The following WDR44 variants were observed in gnomAD, a reference collection of about 807,000 sequenced individuals.
WDR44 encodes WD repeat-containing protein 44.
A neutral mutation model predicts 65.7 loss-of-function variants in WDR44; 9 were observed. The observed-to-expected ratio is 0.14, with a 90% CI of 0.08 to 0.24. The LOEUF (loss-of-function observed/expected upper bound fraction) is 0.24, where lower values mean the gene tolerates loss of function less well. Ranked by LOEUF, WDR44 falls within the 10% of genes least tolerant of loss-of-function variation. The pLI is 1.00. For missense variants in WDR44, 425 were observed against 670.9 expected, an observed-to-expected ratio of 0.63 and a Z score of 4.05; for synonymous variants, 220 against 235.2, an observed-to-expected ratio of 0.94 and a Z score of 0.59.
chrX:118,427,068 C>G (rs1008083173), intron 12 of WDR44, among the ~76,000 whole-genome samples: 3 of 111,296 alleles, frequency 2.7e-5, no homozygotes, highest in African/African-American at 9.8e-5. Context: ...AAATTGGATA[C>G]AATATTACCA....
chrX:118,406,115 G>A (rs1194764838), intron 9 of WDR44, among the ~76,000 whole-genome samples: 2 of 112,108 alleles, frequency 1.8e-5, no homozygotes, highest in African/African-American at 6.5e-5. Flanking sequence ...ACTCCAACCT[G>A]AGACCCTGTC....
chrX:118,366,496 C>A (rs1200237600), intron 1 of WDR44, among the ~76,000 whole-genome samples: 1 of 111,368 alleles, frequency 9.0e-6, no homozygotes, highest in African/African-American at 3.3e-5. Context: ...GATGAGCAAC[C>A]TACTTTCTTC....
intron 10 of WDR44, among the ~76,000 whole-genome samples, chrX:118,408,689 AC>A (rs66498028): frequency 0.16 from 17,615 of 111,700 alleles, 2,480 homozygotes; most frequent in African/African-American, 0.44. Context: ...GCGTGCCACC[AC>A]GCCCGGCCCA....
intron 13 of WDR44, among the ~76,000 whole-genome samples, chrX:118,435,400 C>T (rs1297305716): frequency 1.8e-5 from 2 of 112,575 alleles, no homozygotes; most frequent in South Asian, 3.7e-4. Context: ...GCCTCAGCCT[C>T]CCCGAGTAGC....
chrX:118,436,397 TAAC>T (rs2057255075), intron 13 of WDR44: 1 of 287,296 alleles, frequency 3.5e-6, no homozygotes, highest in South Asian at 3.9e-5. Context: ...GTGCAGGTGA[TAAC>T]AACTAAGGCA....
In WDR44 at chrX:118,447,875, AATATATATAT is replaced by A. The variant is rs10570740; in HGVS notation, c.2648-988_2648-979del. ...TGCAACAGAGTGAGACTCTATCTAA[AATATATATAT>A]ATATATATATATATATATATATATA... On this transcript the variant is annotated intron_variant, in intron 19 of 19. Coordinates refer to ENST00000254029, the MANE Select transcript of WDR44 (RefSeq NM_019045.5). 5.5e-3 allele frequency among the ~76,000 whole-genome samples: 301 copies of A among 54,779 alleles called. 3 individuals carry two copies. The highest frequency in any genetic ancestry group is 0.016 in the African/African-American group (246 of 15,280). 47.6% of individuals were successfully genotyped at this position (54,779 alleles called of 115,157 possible).
In WDR44 at chrX:118,416,717, A is replaced by T. The variant is rs369300717; in HGVS notation, c.1737+5758A>T. ...CTGTTAAGTCCATTTGTTCCAAGGTATAGTTTAAATTCGTTGTTTCTTTGT... is the reference window on the plus strand; with the variant it reads ...CTGTTAAGTCCATTTGTTCCAAGGTTTAGTTTAAATTCGTTGTTTCTTTGT... On this transcript the variant is annotated intron_variant, in intron 12 of 19. Transcript: ENST00000254029. Among the ~76,000 whole-genome samples the T allele has an allele frequency of 1.4e-4, 16 of 111,847 alleles. No homozygotes were observed. The East Asian group carries it at 3.1e-3, about 22-fold the overall frequency.
At chrX:118,349,536 T>C (rs2056383895) in intron 1 of WDR44, among the ~76,000 whole-genome samples, 1 of 107,144 alleles carries the variant, frequency 9.3e-6, no homozygotes. Flanking sequence ...CTCATTTTTA[T>C]CTTCATTTTT....
At chrX:118,347,141 ACTCT>A (rs2056358923) in intron 1 of WDR44, among the ~76,000 whole-genome samples, 2 of 111,610 alleles carry the variant, frequency 1.8e-5, no homozygotes, top group Admixed American at 1.9e-4. Context: ...TAGCGAATGT[ACTCT>A]AGATCAACAG....
At chrX:118,379,043 CAAA>C (rs111960903) in intron 2 of WDR44, among the ~76,000 whole-genome samples, 2 of 97,958 alleles carry the variant, frequency 2.0e-5, no homozygotes, top group African/African-American at 7.5e-5. Context: ...GACTCCACCT[CAAA>C]AAAAAAAGCA....
chrX:118,384,399 G>A (rs1438430230), intron 2 of WDR44, among the ~76,000 whole-genome samples: 1 of 111,744 alleles, frequency 8.9e-6, no homozygotes, highest in Non-Finnish European at 1.9e-5. Flanking sequence ...AGGAAAATAG[G>A]ATAATGTTTT....
chrX:118,398,546 A>G, intron 8 of WDR44, 76 bp downstream of exon 8: 2 of 861,896 alleles, frequency 2.3e-6, no homozygotes, highest in Non-Finnish European at 1.7e-6. Context: ...TACTATTTTA[A>G]ATCATGCTCC....
chrX:118,346,207 G>A lies in WDR44; in HGVS notation c.-297G>A. 1.3e-5 allele frequency: 4 copies of A among 310,170 alleles called. No homozygotes were observed. The highest frequency in any genetic ancestry group is 2.2e-5 in the Non-Finnish European group (4 of 177,837). The allele number at this position is 310,170 out of a possible 1,213,427, so 25.6% of individuals were successfully genotyped here. A position where few individuals can be genotyped will look rare whatever the true frequency, so the allele number is the denominator to read the frequency against. On this transcript the variant is annotated 5_prime_UTR_variant, in exon 1 of 20. Coordinates refer to ENST00000254029, the MANE Select transcript of WDR44 (RefSeq NM_019045.5). ...CGCGCCCTTCTTCCCTTACTGCGAG[G>A]AGCCACCGCCTCTTTCGCGCTCCTT...
intron 1 of WDR44, among the ~76,000 whole-genome samples, chrX:118,368,355 C>T (rs983495976): frequency 4.6e-5 from 5 of 107,694 alleles, no homozygotes; most frequent in Admixed American, 1.0e-4. Flanking sequence ...TGTAGGTTAT[C>T]GCTGAATCAG....
intron 12 of WDR44, among the ~76,000 whole-genome samples, chrX:118,416,634 C>T (rs765796381): frequency 3.6e-5 from 4 of 111,242 alleles, no homozygotes; most frequent in East Asian, 2.8e-4. Flanking sequence ...AGGTTCCATG[C>T]GCTATTGAAT....
intron 1 of WDR44, among the ~76,000 whole-genome samples, chrX:118,351,371 C>G (rs1292332511): frequency 8.9e-6 from 1 of 112,033 alleles, no homozygotes; most frequent in Non-Finnish European, 1.9e-5. Context: ...GAAAACTCAG[C>G]TTCTCACTTT....
At chrX:118,378,526 A>G (rs998701631) in intron 2 of WDR44, 74 bp downstream of exon 2, 1 of 1,048,857 alleles carries the variant, frequency 9.5e-7, no homozygotes. Context: ...GTAATTCTTC[A>G]TTTTCTTGCT....
chrX:118,384,579 G>A (rs922496560), intron 2 of WDR44, among the ~76,000 whole-genome samples: 2 of 111,875 alleles, frequency 1.8e-5, no homozygotes, highest in Non-Finnish European at 3.8e-5. Flanking sequence ...GGTAACTGTA[G>A]CACTGTAGCA....
At chrX:118,437,298 C>A (rs1378427054) in intron 14 of WDR44, among the ~76,000 whole-genome samples, 1 of 111,942 alleles carries the variant, frequency 8.9e-6, no homozygotes, top group Admixed American at 9.6e-5. Flanking sequence ...TATAGAAAAT[C>A]CTTTCATATC....
Sources: gnomAD v4.1 joint callset for allele counts (sites outside exome capture counted in the v4.1 genomes callset) on GRCh38, gnomAD v4.1.1 for gene constraint, MANE v1.5 for transcripts, NCBI Gene and HGNC (gene_info 2026-07-23, HGNC 2026-07-21) for gene names.